MACROD2: variants seen among roughly 807,000 people sequenced by gnomAD.
MACROD2 encodes mono-ADP ribosylhydrolase 2.
Under a neutral mutation model 70.4 loss-of-function variants are expected in MACROD2, and 36 were observed. The ratio of observed to expected loss-of-function variants is 0.51; its 90% CI spans 0.39 to 0.68. The LOEUF (loss-of-function observed/expected upper bound fraction) is 0.68. MACROD2 is among the 30% of genes least tolerant of loss of function. MACROD2 has a pLI of 0.00. For missense variants in MACROD2, 496 were observed against 538.4 expected (o/e 0.92, Z 0.78); for synonymous variants, 172 against 178.8 (o/e 0.96, Z 0.30).
chr20:15,424,787 C>T (rs1345781281), intron 6 of MACROD2, among the ~76,000 whole-genome samples: 1 of 152,154 alleles, frequency 6.6e-6, no homozygotes, highest in Non-Finnish European at 1.5e-5. Context: ...CACATGTTCT[C>T]ATATTCTAAC....
intron 2 of MACROD2, among the ~76,000 whole-genome samples, chr20:14,055,507 CAAAAAA>C (rs4052606): frequency 9.7e-6 from 1 of 103,210 alleles, no homozygotes; most frequent in Admixed American, 1.0e-4. Context: ...GTTTCAGGAG[CAAAAAA>C]AAAAAAAAAA....
intron 15 of MACROD2, among the ~76,000 whole-genome samples, chr20:16,010,585 CTT>C (rs2066850111): frequency 6.6e-6 from 1 of 152,206 alleles, no homozygotes; most frequent in Non-Finnish European, 1.5e-5. Flanking sequence ...GCTTTATCCT[CTT>C]TAAAGTGTGC....
At chr20:14,675,780 T>A (rs1172297409) in intron 4 of MACROD2, among the ~76,000 whole-genome samples, 1 of 152,106 alleles carries the variant, frequency 6.6e-6, no homozygotes, top group African/African-American at 2.4e-5. Context: ...CAAGACCCTT[T>A]GGTGTGCTGT....
At chr20:16,024,058 C>G (rs1001517531) in intron 15 of MACROD2, among the ~76,000 whole-genome samples, 2 of 152,168 alleles carry the variant, frequency 1.3e-5, no homozygotes, top group Non-Finnish European at 2.9e-5. Context: ...TCAACAATAG[C>G]TGCTCCAAAT....
intron 4 of MACROD2, among the ~76,000 whole-genome samples, chr20:14,564,858 T>C (rs936724822): frequency 7.9e-5 from 12 of 151,952 alleles, no homozygotes; most frequent in African/African-American, 2.9e-4. Flanking sequence ...GGAAAATAAA[T>C]CATTATATCA....
At chr20:14,186,784 T>C (rs779171129) in intron 3 of MACROD2, among the ~76,000 whole-genome samples, 1 of 152,198 alleles carries the variant, frequency 6.6e-6, no homozygotes, top group Non-Finnish European at 1.5e-5. Flanking sequence ...AACAAGATCA[T>C]GTCCTTTGGA....
At chr20:15,697,031 G>A (rs2050386590) in intron 8 of MACROD2, among the ~76,000 whole-genome samples, 2 of 151,794 alleles carry the variant, frequency 1.3e-5, no homozygotes, top group South Asian at 2.1e-4. Flanking sequence ...CTTTTGTATT[G>A]TCTTTTTTGT....
intron 4 of MACROD2, among the ~76,000 whole-genome samples, chr20:14,570,562 T>C (rs1400764449): frequency 2.6e-5 from 4 of 151,916 alleles, no homozygotes; most frequent in African/African-American, 7.2e-5. Flanking sequence ...CATTTTTTTT[T>C]CCCCATGGTA....
chr20:15,853,644 T>C (rs935849651), intron 8 of MACROD2, among the ~76,000 whole-genome samples: 2 of 152,086 alleles, frequency 1.3e-5, no homozygotes, highest in African/African-American at 4.8e-5. Flanking sequence ...AGCAAGGAAA[T>C]GAAGACCCCC....
chr20:14,986,565 C>A (rs557113682), intron 5 of MACROD2, among the ~76,000 whole-genome samples: 1 of 152,106 alleles, frequency 6.6e-6, no homozygotes, highest in Non-Finnish European at 1.5e-5. Context: ...GGTAAATAAG[C>A]AGATCTGTTC....
chr20:15,750,828 G>A (rs1372691783), intron 8 of MACROD2, among the ~76,000 whole-genome samples: 1 of 151,260 alleles, frequency 6.6e-6, no homozygotes, highest in African/African-American at 2.4e-5. Context: ...GGACAACATG[G>A]ATGGATCTGG....
chr20:14,022,355 A>G (rs2053095939), intron 2 of MACROD2, among the ~76,000 whole-genome samples: 1 of 152,150 alleles, frequency 6.6e-6, no homozygotes, highest in Non-Finnish European at 1.5e-5. Flanking sequence ...TTTATCATGT[A>G]TCATCTTTGA....
At chr20:14,749,169 G>T (rs534098350) in intron 5 of MACROD2, among the ~76,000 whole-genome samples, 1 of 151,918 alleles carries the variant, frequency 6.6e-6, no homozygotes, top group Non-Finnish European at 1.5e-5. Flanking sequence ...GGAAATTGCC[G>T]TATAACCCAT....
At chr20:14,102,261 G>A (rs926041203) in intron 3 of MACROD2, among the ~76,000 whole-genome samples, 5 of 151,702 alleles carry the variant, frequency 3.3e-5, no homozygotes, top group Admixed American at 2.6e-4. Flanking sequence ...CTCAGCCTCC[G>A]AAAGTGCTGG....
chr20:15,323,047 A>G (rs2077889276), intron 6 of MACROD2, among the ~76,000 whole-genome samples: 1 of 105,160 alleles, frequency 9.5e-6, no homozygotes, highest in Admixed American at 9.3e-5. Context: ...CTTGGGGTTC[A>G]GTTTTTAGGT....
intron 8 of MACROD2, among the ~76,000 whole-genome samples, chr20:15,846,900 C>A (rs926852556): frequency 3.5e-4 from 36 of 102,378 alleles, no homozygotes; most frequent in African/African-American, 1.3e-3. Flanking sequence ...TTGACATAGT[C>A]AAAAAAAAAA....
intron 5 of MACROD2, among the ~76,000 whole-genome samples, chr20:15,190,291 A>ATCT (rs2076561700): frequency 6.6e-6 from 1 of 152,086 alleles, no homozygotes; most frequent in Non-Finnish European, 1.5e-5. Flanking sequence ...ACCTTAAGGA[A>ATCT]AGGAGTGCTG....
intron 12 of MACROD2, 21 bp from the exon 13 acceptor site, chr20:15,967,532 G>T: frequency 6.2e-7 from 1 of 1,600,850 alleles, no homozygotes; most frequent in South Asian, 1.1e-5. Flanking sequence ...CTGACCAAAG[G>T]TTTTGCTTGT....
chr20:15,595,825 C>CAA (rs1422649956), intron 8 of MACROD2, among the ~76,000 whole-genome samples: 294 of 152,206 alleles, frequency 1.9e-3, no homozygotes, highest in Admixed American at 7.5e-3. Flanking sequence ...TAACTTGGCA[C>CAA]ACTAATAGAG....
Sources: gnomAD v4.1 joint callset for allele counts (sites outside exome capture counted in the v4.1 genomes callset) on GRCh38, gnomAD v4.1.1 for gene constraint, MANE v1.5 for transcripts, NCBI Gene and HGNC (gene_info 2026-07-23, HGNC 2026-07-21) for gene names.